HPSE2: variants seen among roughly 807,000 people sequenced by gnomAD.
The protein encoded by HPSE2 is inactive heparanase-2.
Under a neutral mutation model 60.5 loss-of-function variants are expected in HPSE2, and 38 were observed. The ratio of observed to expected loss-of-function variants is 0.63; its 90% confidence interval spans 0.48 to 0.82. The LOEUF is 0.82. Ranked by LOEUF, HPSE2 falls within the 40% of genes least tolerant of loss-of-function variation. The pLI is 0.00. For missense variants in HPSE2, 713 were observed against 740.4 expected, an observed-to-expected ratio of 0.96 and a Z score of 0.43; for synonymous variants, 295 against 293.2, an observed-to-expected ratio of 1.01 and a Z score of -0.06.
At chr10:98,483,528 T>C (rs2133652586) in intron 10 of HPSE2, among the ~76,000 whole-genome samples, 1 of 152,346 alleles carries the variant, frequency 6.6e-6, no homozygotes, top group East Asian at 1.9e-4. Context: ...GAAACGTGTG[T>C]TGTATGATTC....
At position 98,951,897 on chromosome 10, in the gene HPSE2, A is replaced by G. The variant is rs557835072; in HGVS notation, c.610+192341T>C. On this transcript the variant is annotated intron_variant, in intron 3 of 11. Transcript: ENST00000370552. ...ACTAAATTCCCCCAGCCCTTTGAATAGGTATTACCATAAACCCCATCTTAT... is the reference window on the plus strand; with the variant it reads ...ACTAAATTCCCCCAGCCCTTTGAATGGGTATTACCATAAACCCCATCTTAT... Among the ~76,000 whole-genome samples the G allele has an allele frequency of 1.2e-4, 19 of 152,338 alleles. 1 individual carries two copies. In the South Asian group the frequency reaches 3.7e-3, roughly 30 times the overall value.
chr10:98,889,360 T>C (rs1305066417), intron 3 of HPSE2, among the ~76,000 whole-genome samples: 8 of 149,046 alleles, frequency 5.4e-5, no homozygotes, highest in Non-Finnish European at 7.4e-5. Flanking sequence ...TCTCTCTCTC[T>C]TTTCTTTTTT....
In HPSE2 at chr10:98,457,787, G is replaced by T. The variant is rs549827625; in HGVS notation, c.*1787C>A. 2 of 151,298 alleles carry T rather than the reference G, an allele frequency of 1.3e-5. No homozygotes were observed. The highest frequency in any genetic ancestry group is 2.4e-5 in the African/African-American group (1 of 41,126). 9.4% of individuals were successfully genotyped at this position (151,298 alleles called of 1,614,324 possible). Reference sequence around the variant, plus strand: ...GGGAGGTGCCTGGTCCCAGAGAAACGGGTCCCTTCTGGGCAGCCTTGCAGG... The same window carrying T: ...GGGAGGTGCCTGGTCCCAGAGAAACTGGTCCCTTCTGGGCAGCCTTGCAGG... On this transcript the variant is annotated 3_prime_UTR_variant, in exon 12 of 12. Coordinates refer to ENST00000370552, the MANE Select transcript of HPSE2 (RefSeq NM_021828.5).
At chr10:98,663,323 T>C (rs1947274755) in intron 6 of HPSE2, among the ~76,000 whole-genome samples, 1 of 152,098 alleles carries the variant, frequency 6.6e-6, no homozygotes, top group Non-Finnish European at 1.5e-5. Context: ...TCTGCTCTCA[T>C]GGAACTTATA....
intron 3 of HPSE2, among the ~76,000 whole-genome samples, chr10:98,904,816 A>T (rs979618786): frequency 7.2e-5 from 11 of 152,174 alleles, no homozygotes; most frequent in Non-Finnish European, 1.6e-4. Context: ...ATAATGGTAA[A>T]AGTAAAATCA....
intron 9 of HPSE2, among the ~76,000 whole-genome samples, chr10:98,586,883 C>T: frequency 6.6e-6 from 1 of 152,166 alleles, no homozygotes; most frequent in East Asian, 1.9e-4. Flanking sequence ...TAATGGTGGG[C>T]TTTGGGGCCA....
intron 3 of HPSE2, among the ~76,000 whole-genome samples, chr10:99,134,703 A>G (rs1234614317): frequency 2.0e-5 from 3 of 152,214 alleles, no homozygotes; most frequent in Non-Finnish European, 2.9e-5. Flanking sequence ...CTTGCCTTAC[A>G]AGAGCTCCTG....
intron 3 of HPSE2, among the ~76,000 whole-genome samples, chr10:98,773,205 C>T (rs896929263): frequency 1.3e-5 from 2 of 152,130 alleles, no homozygotes; most frequent in African/African-American, 4.8e-5. Context: ...TACTTTTGTA[C>T]ACAACATTAT....
At chr10:98,558,632 G>C (rs945742671) in intron 9 of HPSE2, among the ~76,000 whole-genome samples, 2 of 152,142 alleles carry the variant, frequency 1.3e-5, no homozygotes, top group African/African-American at 4.8e-5. Flanking sequence ...CATGGGGAGG[G>C]GAATTCTGGG....
intron 3 of HPSE2, among the ~76,000 whole-genome samples, chr10:98,883,804 T>C (rs562708800): frequency 6.6e-6 from 1 of 151,998 alleles, no homozygotes; most frequent in Non-Finnish European, 1.5e-5. Flanking sequence ...ACACCAACTC[T>C]AAAAAGTAAA....
chr10:99,237,384 A>G (rs983140617), upstream of HPSE2, among the ~76,000 whole-genome samples: 8 of 152,176 alleles, frequency 5.3e-5, no homozygotes, highest in Non-Finnish European at 7.3e-5. Context: ...CAAACGCTGT[A>G]ATAGCAACCT....
At chr10:99,013,557 C>T (rs187060369) in intron 3 of HPSE2, 11 of 238,218 alleles carry the variant, frequency 4.6e-5, no homozygotes, top group African/African-American at 1.4e-4. Flanking sequence ...CTGCAACCTC[C>T]GCCTCCCAGG....
At chr10:98,807,105 T>C (rs1951060857) in intron 3 of HPSE2, among the ~76,000 whole-genome samples, 1 of 152,204 alleles carries the variant, frequency 6.6e-6, no homozygotes, top group South Asian at 2.1e-4. Flanking sequence ...ACCATGCCAC[T>C]GCACTCCAGC....
At chr10:98,632,464 A>G (rs1242680230) in intron 7 of HPSE2, among the ~76,000 whole-genome samples, 2 of 152,330 alleles carry the variant, frequency 1.3e-5, no homozygotes, top group Non-Finnish European at 2.9e-5. Flanking sequence ...AAGGAAATTA[A>G]GGTTCATGGA....
intron 6 of HPSE2, among the ~76,000 whole-genome samples, chr10:98,686,067 G>T (rs1402121133): frequency 4.6e-5 from 7 of 151,942 alleles, no homozygotes; most frequent in Admixed American, 3.9e-4. Context: ...TCTCTGTCTA[G>T]GGTTTTTCAC....
intron 4 of HPSE2, among the ~76,000 whole-genome samples, chr10:98,723,389 C>A (rs2134256472): frequency 6.6e-6 from 1 of 151,994 alleles, no homozygotes; most frequent in South Asian, 2.1e-4. Context: ...AGGATTTTTG[C>A]ATCAATGTTC....
chr10:99,113,088 T>A (rs1844537148), intron 3 of HPSE2, among the ~76,000 whole-genome samples: 2 of 152,200 alleles, frequency 1.3e-5, no homozygotes, highest in South Asian at 4.1e-4. Context: ...AGCTTATTTA[T>A]GGAAGTTTTT....
At chr10:98,468,729 C>G (rs1303737674) in intron 11 of HPSE2, among the ~76,000 whole-genome samples, 1 of 152,090 alleles carries the variant, frequency 6.6e-6, no homozygotes, top group African/African-American at 2.4e-5. Context: ...ATCAACTGCT[C>G]TAGGAGTCAT....
intron 3 of HPSE2, among the ~76,000 whole-genome samples, chr10:98,877,114 GA>G (rs960206312): frequency 2.0e-5 from 3 of 151,750 alleles, no homozygotes; most frequent in African/African-American, 7.3e-5. Context: ...ATTCTTTTTA[GA>G]AAATGAATGA....
Sources: allele counts gnomAD v4.1 joint callset (sites outside exome capture counted in the v4.1 genomes callset), GRCh38; gene constraint gnomAD v4.1.1; transcripts MANE v1.5; gene names NCBI Gene and HGNC (gene_info 2026-07-23, HGNC 2026-07-21).